Variants in GRSF1 observed in about 807,000 individuals in gnomAD.
GRSF1 encodes the protein G-rich sequence factor 1.
In GRSF1, 50 loss-of-function variants were observed where a neutral mutation model predicts 51.1. The ratio of observed to expected loss-of-function variants is 0.98; its 90% confidence interval spans 0.78 to 1.24. The LOEUF (loss-of-function observed/expected upper bound fraction) is 1.24. GRSF1 is among the 50% of genes most tolerant of loss of function. GRSF1 has a pLI of 0.00. For synonymous variants in GRSF1, 293 were observed against 253.3 expected, an observed-to-expected ratio of 1.16 and a Z score of -1.49; for missense variants, 700 against 639.7, an observed-to-expected ratio of 1.09 and a Z score of -1.02.
upstream of GRSF1, chr4:70,839,913 T>C (rs577651318): frequency 2.8e-5 from 35 of 1,246,392 alleles, no homozygotes; most frequent in African/African-American, 5.2e-4. Context: ...CGGTTGGGGG[T>C]GGGGTGTGCC....
Position 70,826,121 on chromosome 4 carries a change from C to CA in GRSF1, c.1257+2dup. The CA allele has an allele frequency of 6.2e-7, 1 of 1,608,188 alleles. No homozygotes were observed. The highest frequency in any genetic ancestry group is 1.1e-5 in the South Asian group (1 of 90,112). ...TGAGATTGGATATCTTACTGCCACA[C>CA]ACGTTTATAATGTCTTGGGCATTGG... On this transcript the variant is annotated splice_region_variant and intron_variant, in intron 7 of 9. Coordinates refer to ENST00000254799, the MANE Select transcript of GRSF1 (RefSeq NM_002092.4).
At position 70,818,564 on chromosome 4, in the gene GRSF1, A is replaced by G. The variant is rs1733393395; in HGVS notation, c.*2323T>C. 1 of 152,098 alleles carries G rather than the reference A, an allele frequency of 6.6e-6. No homozygotes were observed. Among genetic ancestry groups the G allele is most frequent in the Admixed American group, 6.5e-5 (1 of 15,272 alleles). The allele number at this position is 152,098 out of a possible 1,614,324, so 9.4% of individuals were successfully genotyped here. A position where few individuals can be genotyped will look rare whatever the true frequency, so the allele number is the denominator to read the frequency against. On this transcript the variant is annotated 3_prime_UTR_variant, in exon 10 of 10. Coordinates refer to ENST00000254799, the MANE Select transcript of GRSF1 (RefSeq NM_002092.4). Reference sequence around the variant, plus strand: ...GTTACCCACGCATAAAGGGACACATACTCTATTTCTGCTTCATTGCCTGGT... The same window carrying G: ...GTTACCCACGCATAAAGGGACACATGCTCTATTTCTGCTTCATTGCCTGGT...
Position 70,818,531 on chromosome 4 carries a change from A to C in GRSF1, c.*2356T>G, listed in dbSNP as rs1364275830. 1 of 152,172 alleles carries C rather than the reference A, an allele frequency of 6.6e-6. No individual in the cohort carries two copies. Among genetic ancestry groups the C allele is most frequent in the East Asian group, 1.9e-4 (1 of 5,194 alleles). 9.4% of individuals were successfully genotyped at this position (152,172 alleles called of 1,614,324 possible). On this transcript the variant is annotated 3_prime_UTR_variant, in exon 10 of 10. Coordinates refer to ENST00000254799, the MANE Select transcript of GRSF1 (RefSeq NM_002092.4). Reference sequence around the variant, plus strand: ...TTCGGTCCCCCTTCCCACATGACAGAAGCTTAAGTTACCCACGCATAAAGG... The same window carrying C: ...TTCGGTCCCCCTTCCCACATGACAGCAGCTTAAGTTACCCACGCATAAAGG...
At chr4:70,832,473 G>T in intron 3 of GRSF1, 23 bp from the exon 4 acceptor site, 2 of 1,476,746 alleles carry the variant, frequency 1.4e-6, no homozygotes, top group South Asian at 1.2e-5. Context: ...AACCCAACAG[G>T]GATGAAAAAT....
In GRSF1 at chr4:70,839,785, A is replaced by G; in HGVS notation, c.43T>C (p.Cys15Arg). 1 of 1,505,360 alleles carries G rather than the reference A, an allele frequency of 6.6e-7. No homozygotes were observed. The highest frequency in any genetic ancestry group is 8.8e-7 in the Non-Finnish European group (1 of 1,134,100). The allele number at this position is 1,505,360 out of a possible 1,614,324, so 93.3% of individuals were successfully genotyped here. ...RWVLGALLRGCGCNCSSCRRT... is the reference protein window; with the variant it reads ...RWVLGALLRGRGCNCSSCRRT... Reference sequence around the variant, plus strand: ...CGGCAGCTGCTGCAGTTACAGCCGCAGCCCCGGAGCAGCGCCCCGAGTACC... The same window carrying G: ...CGGCAGCTGCTGCAGTTACAGCCGCGGCCCCGGAGCAGCGCCCCGAGTACC... The change falls in exon 1 of 10, where the codon TGC (cysteine) becomes CGC (arginine). Residue 15 changes from cysteine (C) to arginine (R), a missense_variant. Coordinates refer to ENST00000254799, the MANE Select transcript of GRSF1 (RefSeq NM_002092.4).
At chr4:70,829,828 C>A (rs1428062375) in intron 5 of GRSF1, among the ~76,000 whole-genome samples, 1 of 151,944 alleles carries the variant, frequency 6.6e-6, no homozygotes, top group Admixed American at 6.6e-5. Flanking sequence ...ACCTTTGAAC[C>A]ACTTCTATCA....
rs915325064 is a variant in GRSF1, at chr4:70,817,734, C to T, written c.*3153G>A. The T allele has an allele frequency of 2.6e-5, 4 of 152,220 alleles. No homozygotes were observed. 9.4% of individuals were successfully genotyped at this position (152,220 alleles called of 1,614,324 possible). On this transcript the variant is annotated 3_prime_UTR_variant, in exon 10 of 10. Coordinates refer to ENST00000254799, the MANE Select transcript of GRSF1 (RefSeq NM_002092.4). The stretch of plus-strand genomic sequence containing the variant: ...CTTCCAAAACTAAACATACTCTTAA[C>T]TTACAATCCAGCAACCTGGTTCCTT...
chr4:70,822,366 G>C (rs1226758621), intron 9 of GRSF1, among the ~76,000 whole-genome samples: 1 of 151,124 alleles, frequency 6.6e-6, no homozygotes, highest in Non-Finnish European at 1.5e-5. Context: ...GCGGATCACT[G>C]GATGTCGGGA....
upstream of GRSF1, among the ~76,000 whole-genome samples, chr4:70,840,452 C>A (rs975170106): frequency 1.3e-5 from 2 of 152,108 alleles, no homozygotes; most frequent in African/African-American, 4.8e-5. Context: ...ACGGTGAAAT[C>A]CCGTCTCTAC....
In GRSF1 at chr4:70,819,909, C is replaced by A. The variant is rs898708992; in HGVS notation, c.*978G>T. 6 of 152,508 alleles carry A rather than the reference C, an allele frequency of 3.9e-5. No individual in the cohort carries two copies. The highest frequency in any genetic ancestry group is 7.4e-5 in the Non-Finnish European group (5 of 68,014). The allele number at this position is 152,508 out of a possible 1,614,324, so 9.4% of individuals were successfully genotyped here. On this transcript the variant is annotated 3_prime_UTR_variant, in exon 10 of 10. Transcript: ENST00000254799. The stretch of plus-strand genomic sequence containing the variant: ...CAGAAGTACAGCTTTATCCATAAAC[C>A]CTTCACACAATTATACATTAAATGC...
rs1440429301 is a variant in GRSF1, at chr4:70,816,721, A to T, written c.*4166T>A. ...GCCTGGGTGACAGAGCGACTGTCTC[A>T]AACACAAAAAACAAAAACAAAAACA... On this transcript the variant is annotated 3_prime_UTR_variant, in exon 10 of 10. Transcript: ENST00000254799. The T allele has an allele frequency of 6.6e-6, 1 of 152,248 alleles. No individual in the cohort carries two copies. Among genetic ancestry groups the T allele is most frequent in the Non-Finnish European group, 1.5e-5 (1 of 68,084 alleles). 9.4% of individuals were successfully genotyped at this position (152,248 alleles called of 1,614,324 possible).
At chr4:70,838,127 G>T (rs1349431274) in intron 1 of GRSF1, among the ~76,000 whole-genome samples, 10 of 145,318 alleles carry the variant, frequency 6.9e-5, no homozygotes, top group Non-Finnish European at 1.5e-4. Context: ...GCTGAAGCAG[G>T]AGAATGGCGT....
chr4:70,828,739 T>C (rs959301809), intron 5 of GRSF1, among the ~76,000 whole-genome samples: 6 of 149,694 alleles, frequency 4.0e-5, no homozygotes, highest in African/African-American at 1.5e-4. Flanking sequence ...ACTGCTAATT[T>C]TTTTTTTTTT....
chr4:70,824,654 G>A (rs563800007), intron 8 of GRSF1, among the ~76,000 whole-genome samples: 5 of 152,170 alleles, frequency 3.3e-5, no homozygotes, highest in African/African-American at 1.2e-4. Context: ...GTGGTGGTGG[G>A]TGCCTATAGT....
At position 70,828,882 on chromosome 4, in the gene GRSF1, C is replaced by T. The variant is rs1246868625; in HGVS notation, c.951-846G>A. On this transcript the variant is annotated intron_variant, in intron 5 of 9. Coordinates refer to ENST00000254799, the MANE Select transcript of GRSF1 (RefSeq NM_002092.4). ...CCTCCTGAGTAGCTGGAATTACAGGCGCCCGCCACCACGCCCAGCTGATTT... is the reference window on the plus strand; with the variant it reads ...CCTCCTGAGTAGCTGGAATTACAGGTGCCCGCCACCACGCCCAGCTGATTT... Among the ~76,000 whole-genome samples, 9 of 151,884 alleles carry T rather than the reference C, an allele frequency of 5.9e-5. No homozygotes were observed. In the South Asian group the frequency reaches 8.3e-4, roughly 14 times the overall value.
chr4:70,839,567 C>A lies in GRSF1; in HGVS notation c.261G>T (p.Ala87=). The A allele has an allele frequency of 7.0e-7, 1 of 1,423,010 alleles. No individual in the cohort carries two copies. The highest frequency in any genetic ancestry group is 1.4e-5 in the South Asian group (1 of 70,010). 88.1% of individuals were successfully genotyped at this position (1,423,010 alleles called of 1,614,324 possible). ...CAGAGTAGGACGCGGCGGCCGCGGC[C>A]GCGGCAGAGGTGGCCACAGCGGGAG... ...AGPPAVATSA[A]AAAAASYSAL... is the part of the protein sequence containing the mutation. Residue 87 remains alanine (A), a synonymous_variant, in exon 1 of 10, where the codon GCG becomes GCT. Transcript: ENST00000254799.
intron 5 of GRSF1, 108 bp downstream of exon 5, chr4:70,831,426 ACTACT>A: frequency 1.1e-6 from 1 of 926,804 alleles, no homozygotes; most frequent in East Asian, 2.6e-5. Flanking sequence ...GGCTCACTAC[ACTACT>A]CTCTCTACTT....
intron 2 of GRSF1, among the ~76,000 whole-genome samples, chr4:70,834,693 C>T (rs1347004291): frequency 6.6e-6 from 1 of 152,156 alleles, no homozygotes; most frequent in Non-Finnish European, 1.5e-5. Context: ...GTGAACTCAG[C>T]TCACTGCAAC....
In GRSF1 at chr4:70,824,319, T is replaced by G; in HGVS notation, c.1443A>C (p.Ter481TyrextTer7). The G allele has an allele frequency of 7.0e-7, 1 of 1,438,270 alleles. No homozygotes were observed. Among genetic ancestry groups the G allele is most frequent in the African/African-American group, 1.4e-5 (1 of 71,918 alleles). The allele number at this position is 1,438,270 out of a possible 1,614,324, so 89.1% of individuals were successfully genotyped here. A position where few individuals can be genotyped will look rare whatever the true frequency, so the allele number is the denominator to read the frequency against. The change falls in exon 9 of 10, where the codon TAA becomes TAC. Residue 481 changes from the stop codon to tyrosine (Y), a stop_lost. Transcript: ENST00000254799. The stretch of plus-strand genomic sequence containing the variant: ...CTTATTATCTGGAGCCCCTAGAGTC[T>G]TATTTTCCTTTTGGACATGAATTCA... ...LFLNSCPKGK[*>Y]
Sources: gnomAD v4.1 joint callset for allele counts (sites outside exome capture counted in the v4.1 genomes callset) on GRCh38, gnomAD v4.1.1 for gene constraint, MANE v1.5 for transcripts, NCBI Gene and HGNC (gene_info 2026-07-23, HGNC 2026-07-21) for gene names.